The following SLC26A7 variants were observed in gnomAD, a reference collection of about 807,000 sequenced individuals.
The protein encoded by SLC26A7 is anion exchange transporter.
In SLC26A7, 59 loss-of-function variants were observed where a neutral mutation model predicts 82.5. The observed-to-expected ratio is 0.72, with a 90% CI of 0.58 to 0.89. The LOEUF (loss-of-function observed/expected upper bound fraction) is 0.89, where lower values mean the gene tolerates loss of function less well. Ranked by LOEUF, SLC26A7 falls within the 40% of genes least tolerant of loss-of-function variation. The pLI, the probability that SLC26A7 is intolerant of heterozygous loss-of-function variation, is 0.00. For synonymous variants in SLC26A7, 271 were observed against 274.3 expected, an observed-to-expected ratio of 0.99 and a Z score of 0.12; for missense variants, 820 against 793.0, an observed-to-expected ratio of 1.03 and a Z score of -0.41.
intron 2 of SLC26A7, among the ~76,000 whole-genome samples, chr8:91,266,559 T>C (rs745597327): frequency 1.3e-5 from 2 of 151,890 alleles, no homozygotes; most frequent in African/African-American, 2.4e-5. Context: ...ATAAAATGCT[T>C]TTGGTTTTTT....
intron 11 of SLC26A7, among the ~76,000 whole-genome samples, chr8:91,354,385 G>GA (rs1462957236): frequency 6.6e-6 from 1 of 152,038 alleles, no homozygotes; most frequent in Non-Finnish European, 1.5e-5. Flanking sequence ...GTCTGTCTCT[G>GA]AAAAAATCAA....
intron 9 of SLC26A7, among the ~76,000 whole-genome samples, chr8:91,347,336 T>C (rs1403306419): frequency 6.6e-6 from 1 of 152,186 alleles, no homozygotes; most frequent in Non-Finnish European, 1.5e-5. Flanking sequence ...TAATATGAGC[T>C]ACACAGATAA....
chr8:91,333,279 A>G (rs1235392366), intron 5 of SLC26A7, among the ~76,000 whole-genome samples: 1 of 152,164 alleles, frequency 6.6e-6, no homozygotes, highest in Admixed American at 6.6e-5. Flanking sequence ...GCCACATCAG[A>G]TTATCCCAAA....
At chr8:91,316,451 ATTTTTTTTTTTTTTTTTTTTTTTTTTTTT>A (rs58981485) in intron 4 of SLC26A7, among the ~76,000 whole-genome samples, 1 of 34,390 alleles carries the variant, frequency 2.9e-5, no homozygotes, top group Non-Finnish European at 5.3e-5. Context: ...CTCAACACTA[ATTTTTTTTTTTTTTTTTTTTTTTTTTTTT>A]TTTTTTTTTT....
rs974311364 is a variant in SLC26A7, at chr8:91,273,274, A to G, written c.194-15862A>G. Among the ~76,000 whole-genome samples the G allele has an allele frequency of 7.9e-5, 12 of 152,238 alleles. No individual in the cohort carries two copies. The Middle Eastern group carries it at 0.017, about 216-fold the overall frequency. On this transcript the variant is annotated intron_variant, in intron 2 of 18. Transcript: ENST00000276609. ...GTGCCTACAGGACCTCTTGTTATCC[A>G]TTTGGGTCTAGACCTTAGGAAGGAT... is the stretch of plus-strand genomic sequence containing the variant.
At chr8:91,365,611 G>T (rs953320547) in intron 13 of SLC26A7, among the ~76,000 whole-genome samples, 1 of 152,122 alleles carries the variant, frequency 6.6e-6, no homozygotes, top group South Asian at 2.1e-4. Context: ...TCCTCACTTT[G>T]CAAAGTTCAA....
Position 91,389,408 on chromosome 8 carries a change from T to C in SLC26A7, c.1746T>C (p.Phe582=), listed in dbSNP as rs199563780. 3.1e-6 allele frequency: 5 copies of C among 1,613,818 alleles called. No individual in the cohort carries two copies. In the East Asian group the frequency reaches 6.7e-5, roughly 22 times the overall value. Residue 582 remains phenylalanine, a synonymous_variant, in exon 16 of 19, where the codon TTT becomes TTC. Coordinates refer to ENST00000276609, the MANE Select transcript of SLC26A7 (RefSeq NM_052832.4). Reference sequence around the variant, plus strand: ...TGGATTGCAGTGGATTTACCTTTTTTGACTATTCTGGAGTCTCCATGCTTG... The same window carrying C: ...TGGATTGCAGTGGATTTACCTTTTTCGACTATTCTGGAGTCTCCATGCTTG... ...LILDCSGFTF[F]DYSGVSMLVE...
intron 15 of SLC26A7, among the ~76,000 whole-genome samples, chr8:91,377,459 C>A (rs751451580): frequency 2.0e-4 from 30 of 152,130 alleles, no homozygotes; most frequent in Non-Finnish European, 3.8e-4. Context: ...AAAGTCAGAG[C>A]GGGTTGTAGG....
chr8:91,360,405 T>C (rs1422676577), intron 11 of SLC26A7, among the ~76,000 whole-genome samples: 2 of 152,150 alleles, frequency 1.3e-5, no homozygotes, highest in Non-Finnish European at 2.9e-5. Flanking sequence ...TAATTCTTGA[T>C]AACTGTGACA....
rs1814892001 is a variant in SLC26A7, at chr8:91,389,420, A to C, written c.1758A>C (p.Gly586=). 7 of 1,612,718 alleles carry C rather than the reference A, an allele frequency of 4.3e-6. No individual in the cohort carries two copies. Among genetic ancestry groups the C allele is most frequent in the Non-Finnish European group, 5.9e-6 (7 of 1,178,714 alleles). Reference sequence around the variant, plus strand: ...GATTTACCTTTTTTGACTATTCTGGAGTCTCCATGCTTGTTGAGGTATTTA... The same window carrying C: ...GATTTACCTTTTTTGACTATTCTGGCGTCTCCATGCTTGTTGAGGTATTTA... ...CSGFTFFDYS[G]VSMLVEVYMD... is the part of the protein sequence containing the mutation. The change falls in exon 16 of 19, where the codon GGA becomes GGC. Residue 586 remains glycine, a synonymous_variant. Transcript: ENST00000276609.
At chr8:91,248,236 C>G (rs1217583242), upstream of SLC26A7, among the ~76,000 whole-genome samples, 1 of 152,042 alleles carries the variant, frequency 6.6e-6, no homozygotes, top group East Asian at 1.9e-4. Flanking sequence ...TTCCCCCCCA[C>G]CCCGCTGCGT....
At chr8:91,253,413 C>T (rs542958216) in intron 2 of SLC26A7, among the ~76,000 whole-genome samples, 8 of 152,156 alleles carry the variant, frequency 5.3e-5, no homozygotes, top group South Asian at 2.1e-4. Context: ...GCCCTGCAGT[C>T]GCTGTAATTC....
intron 11 of SLC26A7, among the ~76,000 whole-genome samples, chr8:91,354,463 A>G (rs1035868264): frequency 1.3e-5 from 2 of 152,174 alleles, no homozygotes; most frequent in Admixed American, 6.6e-5. Context: ...GGAAAAGTTA[A>G]GAATGGGTTG....
intron 4 of SLC26A7, 130 bp downstream of exon 4, chr8:91,295,833 A>G: frequency 1.3e-6 from 1 of 791,116 alleles, no homozygotes; most frequent in Non-Finnish European, 1.9e-6. Flanking sequence ...GTGTTTTATC[A>G]TTATGGAAAT....
At chr8:91,285,837 T>TA (rs1792981212) in intron 2 of SLC26A7, among the ~76,000 whole-genome samples, 1 of 152,182 alleles carries the variant, frequency 6.6e-6, no homozygotes, top group Non-Finnish European at 1.5e-5. Context: ...CAACAAAACA[T>TA]AGAGTATCTA....
intron 2 of SLC26A7, among the ~76,000 whole-genome samples, chr8:91,223,685 G>T (rs1586302915): frequency 6.6e-6 from 1 of 152,054 alleles, no homozygotes. Flanking sequence ...GTATCCAATG[G>T]TTTTCTCTGT....
rs139350877 is a variant in SLC26A7, at chr8:91,383,361, C to T, written c.1676-5977C>T. Among the ~76,000 whole-genome samples the T allele has an allele frequency of 9.9e-5, 15 of 152,156 alleles. No individual in the cohort carries two copies. In the East Asian group the frequency reaches 2.9e-3, roughly 29 times the overall value. ...TGAGTTTAGGTAGGACAATGGTAAACTTAAGCTAAATAAAGTCATCCAGGA... is the reference window on the plus strand; with the variant it reads ...TGAGTTTAGGTAGGACAATGGTAAATTTAAGCTAAATAAAGTCATCCAGGA... On this transcript the variant is annotated intron_variant, in intron 15 of 18. Coordinates refer to ENST00000276609, the MANE Select transcript of SLC26A7 (RefSeq NM_052832.4).
intron 9 of SLC26A7, among the ~76,000 whole-genome samples, chr8:91,345,532 T>C (rs2130848100): frequency 6.6e-6 from 1 of 152,330 alleles, no homozygotes; most frequent in East Asian, 1.9e-4. Context: ...ATGTTAAAAA[T>C]GATCATTGAT....
chr8:91,351,818 T>A lies in SLC26A7; in HGVS notation c.1149T>A (p.Cys383Ter). 1.2e-6 allele frequency: 2 copies of A among 1,610,904 alleles called. No homozygotes were observed. The highest frequency in any genetic ancestry group is 1.7e-6 in the Non-Finnish European group (2 of 1,177,584). ...TGTCTTGTATTTTACAGGTGGCTTG[T>A]CTAATATCTTGCATTTTCGTCCTTA... ...YSTGAKTQVA[C>*]LISCIFVLIV... Residue 383 changes from cysteine to a stop codon, truncating the protein, a stop_gained, in exon 10 of 19, where the codon TGT becomes TGA. Transcript: ENST00000276609. LOFTEE classifies it high-confidence loss of function.
Sources: gnomAD v4.1 joint callset for allele counts (sites outside exome capture counted in the v4.1 genomes callset) on GRCh38, gnomAD v4.1.1 for gene constraint, MANE v1.5 for transcripts, NCBI Gene and HGNC (gene_info 2026-07-23, HGNC 2026-07-21) for gene names.